Variants in RFPL4A observed in about 807,000 individuals in gnomAD.
The protein encoded by RFPL4A is ret finger protein-like 4A.
Under a neutral mutation model 8.3 loss-of-function variants are expected in RFPL4A, and 4 were observed. The observed-to-expected ratio is 0.48, with a 90% confidence interval of 0.24 to 1.10. The LOEUF (loss-of-function observed/expected upper bound fraction) is 1.10. Among genes scored for constraint, RFPL4A ranks in the 50% least tolerant of loss-of-function variants. The pLI is 0.18. For synonymous variants in RFPL4A, 43 were observed against 136.6 expected, an observed-to-expected ratio of 0.31 and a Z score of 4.78; for missense variants, 111 against 358.7, an observed-to-expected ratio of 0.31 and a Z score of 5.58.
At chr19:55,758,687 G>C (rs1445267562), upstream of RFPL4A, among the ~76,000 whole-genome samples, 1 of 151,538 alleles carries the variant, frequency 6.6e-6, no homozygotes, top group Non-Finnish European at 1.5e-5. Context: ...GGTCTGTGGA[G>C]TGTCCTATTA....
rs371837926 is a variant in RFPL4A at position 55,762,818 on chromosome 19, G to A, written c.507G>A (p.Lys169=). 21 of 1,436,794 alleles carry A rather than the reference G, an allele frequency of 1.5e-5. 1 individual carries two copies. In the African/African-American group the frequency reaches 2.9e-4, roughly 20 times the overall value. 89.0% of individuals were successfully genotyped at this position (1,436,794 alleles called of 1,614,324 possible). The change falls in exon 3 of 3, where the codon AAG becomes AAA. Residue 169 remains lysine, a synonymous_variant. Transcript: ENST00000434937. ...AAGTGTGGGATGTGGGCGTGTGCAA[G>A]GAATCTGTGAACCGACAGGGGAAGA... ...TSQVWDVGVC[K]ESVNRQGKIV... is the part of the protein sequence containing the mutation.
chr19:55,760,261 G>A (rs1310726021), intron 1 of RFPL4A, among the ~76,000 whole-genome samples: 3 of 151,456 alleles, frequency 2.0e-5, no homozygotes, highest in African/African-American at 4.9e-5. Flanking sequence ...ATCTCATCGC[G>A]GTTTTGTTGC....
At chr19:55,761,048 T>C (rs1335080976) in intron 1 of RFPL4A, among the ~76,000 whole-genome samples, 2 of 139,926 alleles carry the variant, frequency 1.4e-5, no homozygotes, top group African/African-American at 5.2e-5. Context: ...GTCATATATA[T>C]GGCTGCTTGT....
intron 1 of RFPL4A, among the ~76,000 whole-genome samples, chr19:55,761,278 T>C (rs930929590): frequency 7.2e-6 from 1 of 138,566 alleles, no homozygotes; most frequent in African/African-American, 2.6e-5. Flanking sequence ...ATATATGTAA[T>C]GGTAAATTCA....
At chr19:55,759,095 C>G (rs1211460456), upstream of RFPL4A, 3 of 142,932 alleles carry the variant, frequency 2.1e-5, no homozygotes, top group Non-Finnish European at 3.2e-5. Context: ...GTATAAAAGC[C>G]CCTGGCAGGC....
rs1195083844 is a variant in RFPL4A, at chr19:55,763,407, T to C, written c.*232T>C. ...TGTTTATATTTCTGTTCAATAAATA[T>C]TTTGAAAATTCAGATTCATTTGCCA... On this transcript the variant is annotated 3_prime_UTR_variant, in exon 3 of 3. Coordinates refer to ENST00000434937, the MANE Select transcript of RFPL4A (RefSeq NM_001145014.2). Among the ~76,000 whole-genome samples, 1 of 150,098 alleles carries C rather than the reference T, an allele frequency of 6.7e-6. No homozygotes were observed. Among genetic ancestry groups the C allele is most frequent in the African/African-American group, 2.5e-5 (1 of 39,456 alleles).
chr19:55,759,241 T>C (rs2122387910), intron 1 of RFPL4A, 66 bp downstream of exon 1: 1 of 152,312 alleles, frequency 6.6e-6, no homozygotes, highest in South Asian at 2.1e-4. Flanking sequence ...AATGCAATAA[T>C]GTCTTGATTC....
At chr19:55,761,152 G>A (rs568185708) in intron 1 of RFPL4A, among the ~76,000 whole-genome samples, 2 of 125,118 alleles carry the variant, frequency 1.6e-5, no homozygotes, top group Admixed American at 1.6e-4. Flanking sequence ...TGTATTTTGT[G>A]TCTTGTCCTT....
chr19:55,759,725 G>A (rs1479023263), intron 1 of RFPL4A, among the ~76,000 whole-genome samples: 1 of 151,376 alleles, frequency 6.6e-6, no homozygotes, highest in African/African-American at 2.4e-5. Flanking sequence ...GTCTCGCTCT[G>A]TCTGCCAGGC....
chr19:55,759,600 G>T (rs1210025938), intron 1 of RFPL4A, among the ~76,000 whole-genome samples: 1 of 151,790 alleles, frequency 6.6e-6, no homozygotes, highest in Non-Finnish European at 1.5e-5. Context: ...GAAAGGGAAG[G>T]AAATGAAAAG....
At chr19:55,760,141 C>G (rs1989252891) in intron 1 of RFPL4A, among the ~76,000 whole-genome samples, 2 of 151,456 alleles carry the variant, frequency 1.3e-5, no homozygotes, top group Admixed American at 6.6e-5. Context: ...AGTGGTTGTA[C>G]CATTTTCTTT....
In RFPL4A at chr19:55,763,328, A is replaced by G. The variant is rs200105478; in HGVS notation, c.*153A>G. Among the ~76,000 whole-genome samples, 3 of 149,270 alleles carry G rather than the reference A, an allele frequency of 2.0e-5. No individual in the cohort carries two copies. Among genetic ancestry groups the G allele is most frequent in the Admixed American group, 6.6e-5 (1 of 15,182 alleles). On this transcript the variant is annotated 3_prime_UTR_variant, in exon 3 of 3. Transcript: ENST00000434937. ...TGAACAGAAAGCAATTATATTAATG[A>G]GGGGAAAATTACATTGTACTTAAAG...
At chr19:55,761,732 C>G in intron 1 of RFPL4A, 60 bp from the exon 2 acceptor site, 1 of 1,455,928 alleles carries the variant, frequency 6.9e-7, no homozygotes, top group East Asian at 2.5e-5. Flanking sequence ...GCCCCAAACA[C>G]TATCAGCTGT....
upstream of RFPL4A, among the ~76,000 whole-genome samples, chr19:55,758,749 G>T (rs1395607596): frequency 6.6e-6 from 1 of 151,178 alleles, no homozygotes; most frequent in African/African-American, 2.4e-5. Context: ...AATGTGAAAA[G>T]GTGTGACATT....
Position 55,762,806 on chromosome 19 carries a change from G to C in RFPL4A, c.495G>C (p.Val165=). ...VDVGTSQVWD[V]GVCKESVNRQ... ...TGGGCACCAGCCAAGTGTGGGATGT[G>C]GGCGTGTGCAAGGAATCTGTGAACC... Residue 165 remains valine (V), a synonymous_variant, in exon 3 of 3, where the codon GTG becomes GTC. Transcript: ENST00000434937. 1.3e-6 allele frequency: 2 copies of C among 1,500,636 alleles called. No homozygotes were observed. The allele number at this position is 1,500,636 out of a possible 1,614,324, so 93.0% of individuals were successfully genotyped here.
At chr19:55,761,076 TG>T (rs201696257) in intron 1 of RFPL4A, among the ~76,000 whole-genome samples, 2 of 133,040 alleles carry the variant, frequency 1.5e-5, no homozygotes, top group Non-Finnish European at 3.3e-5. Context: ...TCATTAGTTC[TG>T]GTTTTTCCTT....
chr19:55,758,840 T>G (rs1253636036), upstream of RFPL4A, among the ~76,000 whole-genome samples: 1 of 150,676 alleles, frequency 6.6e-6, no homozygotes, highest in Admixed American at 6.6e-5. Context: ...CGATTTTAAT[T>G]AATTTTAATT....
intron 2 of RFPL4A, among the ~76,000 whole-genome samples, chr19:55,762,360 T>G (rs1989303439): frequency 6.6e-6 from 1 of 150,854 alleles, no homozygotes; most frequent in South Asian, 2.1e-4. Flanking sequence ...CTAACTTATT[T>G]CGAAAGGCAT....
upstream of RFPL4A, among the ~76,000 whole-genome samples, chr19:55,757,673 C>T (rs1001625332): frequency 7.2e-5 from 11 of 152,046 alleles, no homozygotes; most frequent in Admixed American, 3.3e-4. Flanking sequence ...TATCTAACAC[C>T]CAAACCAACC....
Sources: allele counts gnomAD v4.1 joint callset (sites outside exome capture counted in the v4.1 genomes callset), GRCh38; gene constraint gnomAD v4.1.1; transcripts MANE v1.5; gene names NCBI Gene and HGNC (gene_info 2026-07-23, HGNC 2026-07-21).